The following AHI1 variants were observed in gnomAD, a reference collection of about 807,000 sequenced individuals.
AHI1 encodes the protein jouberin.
Under a neutral mutation model 149.3 loss-of-function variants are expected in AHI1, and 123 were observed. The observed-to-expected ratio is 0.82, with a 90% CI of 0.71 to 0.96. The LOEUF (loss-of-function observed/expected upper bound fraction) is 0.96, where lower values mean the gene tolerates loss of function less well. Ranked by LOEUF, AHI1 falls within the 40% of genes least tolerant of loss-of-function variation. The probability of loss-of-function intolerance (pLI) is 0.00; values close to 1 mark genes in which losing one functional copy is unlikely to be tolerated. For missense variants in AHI1, 1,439 were observed against 1,422.7 expected (o/e 1.01, Z -0.18); for synonymous variants, 475 against 459.8 (o/e 1.03, Z -0.42).
chr6:135,342,537 T>C (rs201489183), intron 24 of AHI1, among the ~76,000 whole-genome samples: 1 of 151,856 alleles, frequency 6.6e-6, no homozygotes, highest in East Asian at 1.9e-4. Flanking sequence ...AAAGATTATA[T>C]TATACATCAT....
intron 22 of AHI1, among the ~76,000 whole-genome samples, chr6:135,403,699 G>C (rs1425029710): frequency 7.2e-5 from 11 of 152,176 alleles, no homozygotes. Flanking sequence ...AGAAGGTTTA[G>C]TAATCTTGGA....
At position 135,285,632 on chromosome 6, in the gene AHI1, T is replaced by C. The variant is rs763438365; in HGVS notation, c.*13A>G. 1.1e-4 allele frequency: 183 copies of C among 1,607,846 alleles called. No homozygotes were observed. The highest frequency in any genetic ancestry group is 1.6e-4 in the Middle Eastern group (1 of 6,070). The stretch of plus-strand genomic sequence containing the variant: ...CTGTGCATTTCGGCAGCTCTTAACT[T>C]TTCTTCAATTCTTTACTGGAAAGAA... On this transcript the variant is annotated 3_prime_UTR_variant, in exon 29 of 29. Coordinates refer to ENST00000265602, the MANE Select transcript of AHI1 (RefSeq NM_001134831.2).
chr6:135,437,118 A>G (rs1246281296), intron 15 of AHI1, among the ~76,000 whole-genome samples: 1 of 152,232 alleles, frequency 6.6e-6, no homozygotes, highest in East Asian at 1.9e-4. Flanking sequence ...AGAGGGAAAT[A>G]TACGAAGATC....
chr6:135,455,974 G>A, intron 9 of AHI1, 48 bp from the exon 10 acceptor site: 1 of 1,281,394 alleles, frequency 7.8e-7, no homozygotes, highest in Non-Finnish European at 1.0e-6. Context: ...ATAATTTTGA[G>A]GTGAGAAAAA....
At chr6:135,393,234 C>A (rs1034201371) in intron 23 of AHI1, among the ~76,000 whole-genome samples, 6 of 151,730 alleles carry the variant, frequency 4.0e-5, no homozygotes, top group African/African-American at 1.5e-4. Context: ...ATTTCAAAGG[C>A]CTTCCTACCT....
At chr6:135,394,923 T>C in intron 22 of AHI1, 27 bp from the exon 23 acceptor site, 2 of 1,575,370 alleles carry the variant, frequency 1.3e-6, no homozygotes, top group Non-Finnish European at 1.7e-6. Flanking sequence ...AATCAGAAAC[T>C]ACAGTGTAAT....
At chr6:135,472,876 T>C (rs769687227) in intron 5 of AHI1, among the ~76,000 whole-genome samples, 2 of 152,218 alleles carry the variant, frequency 1.3e-5, no homozygotes, top group Non-Finnish European at 2.9e-5. Flanking sequence ...TCTTAAAATA[T>C]TCTAGATACA....
At chr6:135,461,594 T>G (rs1179441322) in intron 8 of AHI1, among the ~76,000 whole-genome samples, 1 of 152,012 alleles carries the variant, frequency 6.6e-6, no homozygotes, top group Non-Finnish European at 1.5e-5. Flanking sequence ...GATAAAGGTA[T>G]GCATGTGCTT....
At chr6:135,398,745 C>T (rs574550448) in intron 22 of AHI1, among the ~76,000 whole-genome samples, 6 of 152,268 alleles carry the variant, frequency 3.9e-5, no homozygotes, top group Admixed American at 3.3e-4. Flanking sequence ...TCTTGAACCC[C>T]TGAACTTCTC....
At chr6:135,452,312 T>A (rs1431126582) in intron 11 of AHI1, among the ~76,000 whole-genome samples, 1 of 152,258 alleles carries the variant, frequency 6.6e-6, no homozygotes, top group Non-Finnish European at 1.5e-5. Flanking sequence ...TAATTTAAAT[T>A]GATGTTTGAA....
intron 23 of AHI1, among the ~76,000 whole-genome samples, chr6:135,384,781 T>G (rs949427291): frequency 6.6e-6 from 1 of 152,140 alleles, no homozygotes; most frequent in African/African-American, 2.4e-5. Flanking sequence ...ACCTGCTGGC[T>G]AGATGTGGTT....
intron 27 of AHI1, among the ~76,000 whole-genome samples, chr6:135,297,848 G>GA (rs1480182667): frequency 5.9e-5 from 9 of 152,054 alleles, no homozygotes; most frequent in East Asian, 1.9e-4. Flanking sequence ...TATAAAGATG[G>GA]AAAAAAATAT....
At chr6:135,456,244 T>C (rs1315772038) in intron 9 of AHI1, among the ~76,000 whole-genome samples, 3 of 152,170 alleles carry the variant, frequency 2.0e-5, no homozygotes, top group Non-Finnish European at 4.4e-5. Context: ...TAAGAGTTTA[T>C]AATAAAATAG....
intron 23 of AHI1, among the ~76,000 whole-genome samples, chr6:135,388,238 TAAATC>T: frequency 6.6e-6 from 1 of 152,290 alleles, no homozygotes; most frequent in African/African-American, 2.4e-5. Flanking sequence ...AAACCAGAAT[TAAATC>T]AAACATTCTT....
Position 135,299,531 on chromosome 6 carries a change from C to T in AHI1, c.3485+969G>A, listed in dbSNP as rs535013918. Among the ~76,000 whole-genome samples the T allele has an allele frequency of 1.1e-4, 17 of 152,056 alleles. No homozygotes were observed. In the East Asian group the frequency reaches 1.7e-3, roughly 16 times the overall value. ...AAGCTGTTCAATGCTGTCACACTTCCGTTATATTTTGTTAGTAATGTAATT... is the reference window on the plus strand; with the variant it reads ...AAGCTGTTCAATGCTGTCACACTTCTGTTATATTTTGTTAGTAATGTAATT... On this transcript the variant is annotated intron_variant, in intron 27 of 28. Transcript: ENST00000265602.
intron 14 of AHI1, among the ~76,000 whole-genome samples, chr6:135,440,864 G>C (rs564559711): frequency 6.6e-6 from 1 of 152,104 alleles, no homozygotes; most frequent in Non-Finnish European, 1.5e-5. Context: ...GAGGGCATCT[G>C]ATTTCCAGAG....
chr6:135,447,747 G>A (rs1205963292), intron 12 of AHI1, among the ~76,000 whole-genome samples: 1 of 152,174 alleles, frequency 6.6e-6, no homozygotes, highest in African/African-American at 2.4e-5. Flanking sequence ...GAAAACAGCA[G>A]CAGTAGAAAC....
In AHI1 at chr6:135,453,286, G is replaced by C. The variant is rs1788417600; in HGVS notation, c.1440+55C>G. ...GACCAAACTGATTTGGGAGAAAGCA[G>C]CCAACTAAATTTGAAGACTAGTTTT... On this transcript the variant is annotated intron_variant, in intron 11 of 28. Transcript: ENST00000265602. 8.9e-6 allele frequency: 12 copies of C among 1,352,808 alleles called. No homozygotes were observed. In the South Asian group the frequency reaches 1.5e-4, roughly 17 times the overall value. The allele number at this position is 1,352,808 out of a possible 1,614,324, so 83.8% of individuals were successfully genotyped here. A position where few individuals can be genotyped will look rare whatever the true frequency, so the allele number is the denominator to read the frequency against.
chr6:135,476,434 A>G (rs1792657570), intron 5 of AHI1, among the ~76,000 whole-genome samples: 1 of 152,020 alleles, frequency 6.6e-6, no homozygotes, highest in Admixed American at 6.6e-5. Flanking sequence ...AATATTCCAT[A>G]TGCACTAGAA....
Sources: gnomAD v4.1 joint callset for allele counts (sites outside exome capture counted in the v4.1 genomes callset) on GRCh38, gnomAD v4.1.1 for gene constraint, MANE v1.5 for transcripts, NCBI Gene and HGNC (gene_info 2026-07-23, HGNC 2026-07-21) for gene names.